Variants in ARRB2 observed in about 807,000 individuals in gnomAD.
ARRB2 encodes beta-arrestin-2.
A neutral mutation model predicts 53.4 loss-of-function variants in ARRB2; 21 were observed. The ratio of observed to expected loss-of-function variants is 0.39; its 90% CI spans 0.28 to 0.57. The LOEUF is 0.57. Ranked by LOEUF, ARRB2 falls within the 20% of genes least tolerant of loss-of-function variation. The probability of loss-of-function intolerance (pLI) is 0.55; values close to 1 mark genes in which losing one functional copy is unlikely to be tolerated. For missense variants in ARRB2, 369 were observed against 527.5 expected (o/e 0.70, Z 2.94); for synonymous variants, 180 against 212.9 (o/e 0.85, Z 1.34).
Position 4,717,438 on chromosome 17 carries a change from C to T in ARRB2, c.417+162C>T. On this transcript the variant is annotated intron_variant, in intron 6 of 14. Coordinates refer to ENST00000269260, the MANE Select transcript of ARRB2 (RefSeq NM_004313.4). The surrounding 1 kb of genome is among the most constrained non-coding windows in gnomAD (Gnocchi z 6.0). ...TGGGGCGTATGTGGTGGTCATTGTG[C>T]ACGCATGACACTGCCTCCTGCTCTG... 1.1e-6 allele frequency: 1 copy of T among 934,068 alleles called. No homozygotes were observed. Among genetic ancestry groups the T allele is most frequent in the South Asian group, 1.4e-5 (1 of 69,882 alleles). 57.9% of individuals were successfully genotyped at this position (934,068 alleles called of 1,614,324 possible).
At chr17:4,720,845 C>T (rs777237059) in intron 14 of ARRB2, 101 bp from the exon 15 acceptor site, 30 of 1,258,572 alleles carry the variant, frequency 2.4e-5, no homozygotes, top group Admixed American at 5.8e-5. Context: ...GCTGTTCGAA[C>T]GCCTCTGTCC....
In ARRB2 at chr17:4,716,579, G is replaced by A. The variant is rs1338224503; in HGVS notation, c.328G>A (p.Gly110Ser). 6.3e-7 allele frequency: 1 copy of A among 1,581,766 alleles called. No homozygotes were observed. The highest frequency in any genetic ancestry group is 2.0e-4 in the Middle Eastern group (1 of 5,122). The change falls in exon 5 of 15, where the codon GGC becomes AGC. Residue 110 changes from glycine (G) to serine (S), a missense_variant. Physicochemically the swap from Gly to Ser is moderately conservative, Grantham distance 56. Transcript: ENST00000269260. ...GCAGGACCGGCTGCTGAGGAAGCTG[G>A]GCCAGCATGCCCACCCCTTCTTCTT... ...RLQDRLLRKL[G>S]QHAHPFFFTI...
chr17:4,716,391 C>G, intron 4 of ARRB2, 21 bp from the exon 5 acceptor site: 1 of 1,614,124 alleles, frequency 6.2e-7, no homozygotes, highest in Non-Finnish European at 8.5e-7. Context: ...CCTGACCACT[C>G]ATCTCACCCT....
intron 4 of ARRB2, 33 bp downstream of exon 4, chr17:4,716,224 A>G (rs1279185328): frequency 1.2e-6 from 2 of 1,613,264 alleles, no homozygotes; most frequent in Non-Finnish European, 1.7e-6. Flanking sequence ...GCCCAGGGAA[A>G]GTGGGGGCTA....
chr17:4,718,142 T>C, intron 8 of ARRB2, 119 bp downstream of exon 8: 1 of 1,558,942 alleles, frequency 6.4e-7, no homozygotes, highest in Non-Finnish European at 8.7e-7. Context: ...TGTGGACAGT[T>C]GCCGTGGGCT....
intron 2 of ARRB2, chr17:4,715,567 G>GCACACACA (rs1914903225): frequency 5.6e-6 from 1 of 178,588 alleles, no homozygotes. Context: ...ACACACACAC[G>GCACACACA]GACACACACA....
intron 4 of ARRB2, 87 bp downstream of exon 4, chr17:4,716,278 T>C: frequency 6.2e-7 from 1 of 1,606,994 alleles, no homozygotes. Context: ...CCCAGAGAGA[T>C]GGAGGCTGGA....
intron 1 of ARRB2, among the ~76,000 whole-genome samples, chr17:4,711,794 G>A (rs8070994): frequency 0.98 from 148,854 of 152,232 alleles, 72,855 homozygotes; most frequent in Middle Eastern, 1. Flanking sequence ...GGAGTGGGAC[G>A]GATGGACCAA....
chr17:4,717,848 G>A lies in ARRB2; in HGVS notation c.486-40G>A, dbSNP rs1597483502. ...TGCGGGGGAGGAGTAGGGTTGGGGT[G>A]TGTGAGGAATGACCCCTCCTGCCCC... On this transcript the variant is annotated intron_variant, in intron 7 of 14. Coordinates refer to ENST00000269260, the MANE Select transcript of ARRB2 (RefSeq NM_004313.4). The surrounding 1 kb of genome is among the most constrained non-coding windows in gnomAD (Gnocchi z 6.0). 2.5e-6 allele frequency: 4 copies of A among 1,613,240 alleles called. No homozygotes were observed. Among genetic ancestry groups the A allele is most frequent in the Non-Finnish European group, 3.4e-6 (4 of 1,179,718 alleles).
Position 4,717,296 on chromosome 17 carries a change from G to A in ARRB2, c.417+20G>A. ...GGAAAGGTACGGGAGGAACAGCTCT[G>A]AGGGCTCCTAGGGCAGGACATGGGC... On this transcript the variant is annotated intron_variant, in intron 6 of 14. Coordinates refer to ENST00000269260, the MANE Select transcript of ARRB2 (RefSeq NM_004313.4). The surrounding 1 kb of genome is among the most constrained non-coding windows in gnomAD (Gnocchi z 6.0). The A allele has an allele frequency of 6.2e-7, 1 of 1,613,790 alleles. No homozygotes were observed. Among genetic ancestry groups the A allele is most frequent in the Non-Finnish European group, 8.5e-7 (1 of 1,179,680 alleles).
rs1915667306 is a variant in ARRB2 at position 4,721,264 on chromosome 17, C to G, written c.*225C>G. On this transcript the variant is annotated 3_prime_UTR_variant, in exon 15 of 15. Coordinates refer to ENST00000269260, the MANE Select transcript of ARRB2 (RefSeq NM_004313.4). The surrounding 1 kb of genome is among the most constrained non-coding windows in gnomAD (Gnocchi z 4.2). ...ATTTTTTGACTGCAGCTCTGCTTCT[C>G]CAGCCCCGCCGTGGGTGGCAAGCTG... 6 of 520,514 alleles carry G rather than the reference C, an allele frequency of 1.2e-5. No individual in the cohort carries two copies. Among genetic ancestry groups the G allele is most frequent in the Non-Finnish European group, 2.0e-5 (6 of 295,014 alleles). The allele number at this position is 520,514 out of a possible 1,614,324, so 32.2% of individuals were successfully genotyped here. A position where few individuals can be genotyped will look rare whatever the true frequency, so the allele number is the denominator to read the frequency against.
chr17:4,715,203 C>A, intron 2 of ARRB2, 160 bp downstream of exon 2: 3 of 862,938 alleles, frequency 3.5e-6, no homozygotes, highest in Non-Finnish European at 3.5e-6. Context: ...CCTGAAGCCC[C>A]TTGCCGCAGA....
chr17:4,714,999 T>C lies in ARRB2; in HGVS notation c.24-14T>C. On this transcript the variant is annotated splice_polypyrimidine_tract_variant and intron_variant, in intron 1 of 14. Coordinates refer to ENST00000269260, the MANE Select transcript of ARRB2 (RefSeq NM_004313.4). ...CTGAGGGAGGCAGTGGGGTTTCCCT[T>C]TCTGTTTTGTTAGGGTCTTCAAGAA... 2 of 1,596,832 alleles carry C rather than the reference T, an allele frequency of 1.3e-6. No homozygotes were observed. The highest frequency in any genetic ancestry group is 1.8e-5 in the Admixed American group (1 of 57,008).
rs1463053651 is a variant in ARRB2 at position 4,716,833 on chromosome 17, G to A, written c.357+225G>A. Reference sequence around the variant, plus strand: ...CTCATCCCCAGGAGTCCTTTCTCCAGCCTCTTTTTTGTTGTTGTTGAGACA... The same window carrying A: ...CTCATCCCCAGGAGTCCTTTCTCCAACCTCTTTTTTGTTGTTGTTGAGACA... On this transcript the variant is annotated intron_variant, in intron 5 of 14. Coordinates refer to ENST00000269260, the MANE Select transcript of ARRB2 (RefSeq NM_004313.4). 3.3e-5 allele frequency: 26 copies of A among 796,720 alleles called. No individual in the cohort carries two copies. In the East Asian group the frequency reaches 6.5e-4, roughly 20 times the overall value. 49.4% of individuals were successfully genotyped at this position (796,720 alleles called of 1,614,324 possible).
intron 4 of ARRB2, 22 bp downstream of exon 4, chr17:4,716,213 G>A: frequency 6.2e-7 from 1 of 1,613,798 alleles, no homozygotes; most frequent in Admixed American, 1.7e-5. Context: ...AAGTCCAGGG[G>A]GCCCAGGGAA....
At chr17:4,716,231 G>A (rs762108356) in intron 4 of ARRB2, 40 bp downstream of exon 4, 5 of 1,613,250 alleles carry the variant, frequency 3.1e-6, no homozygotes, top group East Asian at 2.2e-5. Context: ...GAAAGTGGGG[G>A]CTAGGGAAGT....
In ARRB2 at chr17:4,710,738, G is replaced by C; in HGVS notation, c.17G>C (p.Gly6Ala). The change falls in exon 1 of 15, where the codon GGG becomes GCG. Residue 6 changes from glycine to alanine, a missense_variant. Physicochemically the swap from Gly to Ala is moderately conservative, Grantham distance 60. Coordinates refer to ENST00000269260, the MANE Select transcript of ARRB2 (RefSeq NM_004313.4). ...GCGCGCACCATGGGGGAGAAACCCG[G>C]GACCAGGTAAGGGAGGTGGGGCCAC... MGEKP[G>A]TRVFKKSSPN... 2.5e-6 allele frequency: 1 copy of C among 399,388 alleles called. No individual in the cohort carries two copies. The highest frequency in any genetic ancestry group is 4.4e-6 in the Non-Finnish European group (1 of 226,574). The allele number at this position is 399,388 out of a possible 1,614,324, so 24.7% of individuals were successfully genotyped here.
chr17:4,712,967 T>A (rs1914567625), intron 1 of ARRB2, among the ~76,000 whole-genome samples: 2 of 146,252 alleles, frequency 1.4e-5, no homozygotes, highest in Admixed American at 6.6e-5. Context: ...ACTGGGTGGT[T>A]TTATTTAATT....
In ARRB2 at chr17:4,720,441, C is replaced by A. The variant is rs201660072; in HGVS notation, c.1050C>A (p.His350Gln). ...LPFVLMHPKP[H>Q]DHIPLPRPQS... ...TTGTTCTTATGCACCCCAAGCCCCACGACCACATCCCCCTCCCCAGACCCC... is the reference window on the plus strand; with the variant it reads ...TTGTTCTTATGCACCCCAAGCCCCAAGACCACATCCCCCTCCCCAGACCCC... Residue 350 changes from histidine to glutamine, a missense_variant, in exon 13 of 15, where the codon CAC becomes CAA. By Grantham distance (24) the His-to-Gln change is conservative. Transcript: ENST00000269260. 4 of 1,613,430 alleles carry A rather than the reference C, an allele frequency of 2.5e-6. No homozygotes were observed. Among genetic ancestry groups the A allele is most frequent in the Admixed American group, 3.3e-5 (2 of 59,954 alleles).
Sources: allele counts gnomAD v4.1 joint callset (sites outside exome capture counted in the v4.1 genomes callset), GRCh38; gene constraint gnomAD v4.1.1; non-coding constraint Gnocchi (gnomAD v3.1); transcripts MANE v1.5; gene names NCBI Gene and HGNC (gene_info 2026-07-23, HGNC 2026-07-21).